The following ARL15 variants were observed in gnomAD, a reference collection of about 807,000 sequenced individuals.
ARL15 encodes the protein ARF like GTPase 15.
A neutral mutation model predicts 25.2 loss-of-function variants in ARL15; 19 were observed. The ratio of observed to expected loss-of-function variants is 0.75; its 90% CI spans 0.53 to 1.10. ARL15 has a LOEUF of 1.10. Among genes scored for constraint, ARL15 ranks in the 50% least tolerant of loss-of-function variants. The probability of loss-of-function intolerance (pLI) is 0.00; values close to 1 mark genes in which losing one functional copy is unlikely to be tolerated. For synonymous variants in ARL15, 94 were observed against 86.8 expected (o/e 1.08, Z -0.46); for missense variants, 220 against 246.0 (o/e 0.89, Z 0.71).
intron 1 of ARL15, among the ~76,000 whole-genome samples, chr5:54,246,665 C>T (rs1296989460): frequency 1.3e-5 from 2 of 152,138 alleles, no homozygotes; most frequent in African/African-American, 4.8e-5. Flanking sequence ...TGAAACTGCC[C>T]CCTTCTCTCT....
chr5:54,272,741 A>C (rs1343870414), intron 1 of ARL15, among the ~76,000 whole-genome samples: 1 of 152,248 alleles, frequency 6.6e-6, no homozygotes, highest in African/African-American at 2.4e-5. Context: ...TAAAATTATC[A>C]TTATAACATC....
At chr5:53,986,143 A>G (rs1351714204) in intron 4 of ARL15, among the ~76,000 whole-genome samples, 3 of 152,118 alleles carry the variant, frequency 2.0e-5, no homozygotes, top group African/African-American at 4.8e-5. Flanking sequence ...TAGAGTACCT[A>G]TCTACCTTCT....
At chr5:54,009,577 A>G (rs572564836) in intron 4 of ARL15, among the ~76,000 whole-genome samples, 3 of 152,314 alleles carry the variant, frequency 2.0e-5, no homozygotes, top group South Asian at 4.1e-4. Flanking sequence ...TGCTTACAAC[A>G]CTATGGACTG....
intron 4 of ARL15, among the ~76,000 whole-genome samples, chr5:53,981,621 C>T (rs935718022): frequency 6.6e-6 from 1 of 152,084 alleles, no homozygotes; most frequent in Admixed American, 6.6e-5. Context: ...TCATGCGGGG[C>T]GCAGTAGCTC....
intron 4 of ARL15, among the ~76,000 whole-genome samples, chr5:53,917,968 A>C (rs2112005298): frequency 6.6e-6 from 1 of 152,244 alleles, no homozygotes; most frequent in South Asian, 2.1e-4. Context: ...TCTATCTTAA[A>C]CTCAGGCTCA....
chr5:54,204,901 C>T (rs13162552), intron 1 of ARL15, among the ~76,000 whole-genome samples: 20,692 of 148,786 alleles, frequency 0.14, 1,815 homozygotes, highest in Non-Finnish European at 0.21. Flanking sequence ...TAGTCATTTA[C>T]GAAGAATCAT....
intron 3 of ARL15, among the ~76,000 whole-genome samples, chr5:54,135,294 A>G (rs1426770830): frequency 6.6e-6 from 1 of 152,178 alleles, no homozygotes; most frequent in African/African-American, 2.4e-5. Flanking sequence ...AGCAAACCTA[A>G]AAAGAGATGA....
At chr5:54,001,581 G>A (rs1748850814) in intron 4 of ARL15, among the ~76,000 whole-genome samples, 1 of 152,134 alleles carries the variant, frequency 6.6e-6, no homozygotes, top group South Asian at 2.1e-4. Context: ...AATGATAAGT[G>A]TATTAGGTTT....
chr5:54,308,746 C>A (rs1758822412), intron 1 of ARL15, among the ~76,000 whole-genome samples: 1 of 152,150 alleles, frequency 6.6e-6, no homozygotes, highest in African/African-American at 2.4e-5. Context: ...TTTCACTAAG[C>A]ATTTTGATAG....
chr5:54,299,328 C>T (rs906812329), intron 1 of ARL15, among the ~76,000 whole-genome samples: 2 of 152,162 alleles, frequency 1.3e-5, no homozygotes, highest in Non-Finnish European at 2.9e-5. Flanking sequence ...ACTGAACCCT[C>T]ATGCATGGCT....
intron 4 of ARL15, among the ~76,000 whole-genome samples, chr5:53,943,697 G>A (rs567294599): frequency 1.3e-5 from 2 of 152,190 alleles, no homozygotes; most frequent in Non-Finnish European, 2.9e-5. Context: ...GGCTGAGATA[G>A]AGTGAAAGAA....
chr5:54,109,017 C>A (rs1752664283), intron 4 of ARL15, among the ~76,000 whole-genome samples: 1 of 151,990 alleles, frequency 6.6e-6, no homozygotes, highest in African/African-American at 2.4e-5. Flanking sequence ...AAAATACTTG[C>A]AAATACTTTT....
rs199672233 is a variant in ARL15, at chr5:54,253,046, T to TA, written c.48+57385dup. ...GGCCCAGAGGTCAAGTTTTTTTTTT[T>TA]AAAAAAGCAAGAATCAGGAGAGGGG... is the stretch of plus-strand genomic sequence containing the variant. On this transcript the variant is annotated intron_variant, in intron 1 of 4. Coordinates refer to ENST00000504924, the MANE Select transcript of ARL15 (RefSeq NM_019087.3). Among the ~76,000 whole-genome samples, 436 of 151,638 alleles carry TA rather than the reference T, an allele frequency of 2.9e-3. 1 individual carries two copies. Among genetic ancestry groups the TA allele is most frequent in the African/African-American group, 8.8e-3 (362 of 41,318 alleles).
intron 4 of ARL15, among the ~76,000 whole-genome samples, chr5:53,891,415 C>T (rs271244): frequency 0.42 from 64,470 of 152,004 alleles, 15,397 homozygotes; most frequent in Non-Finnish European, 0.55. Flanking sequence ...TCATAGAATA[C>T]GCCACCCCTA....
At chr5:54,290,281 G>C (rs1758290404) in intron 1 of ARL15, among the ~76,000 whole-genome samples, 1 of 150,940 alleles carries the variant, frequency 6.6e-6, no homozygotes, top group Admixed American at 6.6e-5. Flanking sequence ...CATTATATAA[G>C]ATTATATCAA....
chr5:53,893,281 T>G (rs1580054667), intron 4 of ARL15, among the ~76,000 whole-genome samples: 1 of 151,816 alleles, frequency 6.6e-6, no homozygotes, highest in East Asian at 1.9e-4. Flanking sequence ...AACCTGCGAG[T>G]ACAACAAATC....
At chr5:53,935,359 T>G (rs1285170494) in intron 4 of ARL15, among the ~76,000 whole-genome samples, 1 of 152,218 alleles carries the variant, frequency 6.6e-6, no homozygotes, top group Non-Finnish European at 1.5e-5. Context: ...AGTTGTTGAC[T>G]TGAATAACAA....
intron 4 of ARL15, among the ~76,000 whole-genome samples, chr5:54,072,415 TTGA>T (rs1433354415): frequency 3.3e-5 from 5 of 152,148 alleles, no homozygotes; most frequent in Admixed American, 2.0e-4. Flanking sequence ...CTGTCTAGAC[TTGA>T]TGGTGGCTCA....
chr5:53,910,633 T>TTATATATATATATATATATA (rs70986649), intron 4 of ARL15, among the ~76,000 whole-genome samples: 10 of 54,996 alleles, frequency 1.8e-4, no homozygotes, highest in East Asian at 6.0e-4. Flanking sequence ...TAAAAAAAAA[T>TTATATATATATATATATATA]TATATATATA....
Sources: allele counts gnomAD v4.1 joint callset (sites outside exome capture counted in the v4.1 genomes callset), GRCh38; gene constraint gnomAD v4.1.1; transcripts MANE v1.5; gene names NCBI Gene and HGNC (gene_info 2026-07-23, HGNC 2026-07-21).